The following CHL1 variants were observed in gnomAD, a reference collection of about 807,000 sequenced individuals.
The protein encoded by CHL1 is neural cell adhesion molecule L1-like protein.
A neutral mutation model predicts 141.9 loss-of-function variants in CHL1; 96 were observed. The observed-to-expected ratio is 0.68, with a 90% CI of 0.57 to 0.80. The LOEUF (loss-of-function observed/expected upper bound fraction) is 0.80. Among genes scored for constraint, CHL1 ranks in the 30% least tolerant of loss-of-function variants. CHL1 has a pLI of 0.00. For missense variants in CHL1, 1,820 were observed against 1,457.2 expected (o/e 1.25, Z -4.05); for synonymous variants, 613 against 502.2 (o/e 1.22, Z -2.95).
intron 2 of CHL1, among the ~76,000 whole-genome samples, chr3:317,144 C>T (rs1313478140): frequency 1.3e-5 from 2 of 151,902 alleles, no homozygotes; most frequent in Admixed American, 6.6e-5. Flanking sequence ...AAGCTAATTC[C>T]TGCAGGAGGT....
rs368873266 is a variant in CHL1 at position 378,002 on chromosome 3, G to A, written c.1876+60G>A. On this transcript the variant is annotated intron_variant, in intron 16 of 27. Transcript: ENST00000256509. Reference sequence around the variant, plus strand: ...TCTTCATTTCTGATTAAATCCCATCGTTCCTGGCCAATAAAGCTAATGATT... The same window carrying A: ...TCTTCATTTCTGATTAAATCCCATCATTCCTGGCCAATAAAGCTAATGATT... 6.0e-5 allele frequency: 86 copies of A among 1,431,622 alleles called. 1 individual carries two copies. The highest frequency in any genetic ancestry group is 2.9e-4 in the East Asian group (12 of 40,720). The allele number at this position is 1,431,622 out of a possible 1,614,324, so 88.7% of individuals were successfully genotyped here.
At chr3:234,009 A>G (rs7648248) in intron 1 of CHL1, among the ~76,000 whole-genome samples, 76,514 of 151,858 alleles carry the variant, frequency 0.5, 20,898 homozygotes, top group Non-Finnish European at 0.61. Flanking sequence ...TGCTCATAAT[A>G]TTATGTAGAG....
chr3:257,511 G>A (rs939516287), intron 2 of CHL1, among the ~76,000 whole-genome samples: 7 of 151,914 alleles, frequency 4.6e-5, no homozygotes, highest in Non-Finnish European at 1.0e-4. Flanking sequence ...CTGCCACCAT[G>A]CCTGGCTAAT....
intron 2 of CHL1, among the ~76,000 whole-genome samples, chr3:273,944 A>G (rs1695863195): frequency 1.3e-5 from 2 of 152,172 alleles, no homozygotes; most frequent in Admixed American, 1.3e-4. Context: ...TGATGATTTC[A>G]CATTCTTTTT....
intron 1 of CHL1, among the ~76,000 whole-genome samples, chr3:228,255 A>T (rs748300497): frequency 6.6e-6 from 1 of 152,338 alleles, no homozygotes; most frequent in Middle Eastern, 3.4e-3. Flanking sequence ...AGAATCTTTT[A>T]TCTTTTACCC....
chr3:222,236 A>T (rs1036375770), intron 1 of CHL1, among the ~76,000 whole-genome samples: 27 of 152,114 alleles, frequency 1.8e-4, no homozygotes, highest in Admixed American at 1.8e-3. Flanking sequence ...GCAGGGCTGT[A>T]CCTTTCTAGA....
intron 2 of CHL1, among the ~76,000 whole-genome samples, chr3:292,140 G>C (rs114804768): frequency 1.5e-3 from 224 of 152,320 alleles, no homozygotes; most frequent in African/African-American, 4.6e-3. Context: ...CTCACAAATT[G>C]ACTCCTTAGA....
chr3:220,310 A>G (rs1700718305), intron 1 of CHL1, among the ~76,000 whole-genome samples: 1 of 152,192 alleles, frequency 6.6e-6, no homozygotes, highest in African/African-American at 2.4e-5. Flanking sequence ...CTGATTTTAA[A>G]CATTACAGTG....
At chr3:337,954 C>T (rs1702050114) in intron 5 of CHL1, among the ~76,000 whole-genome samples, 1 of 152,054 alleles carries the variant, frequency 6.6e-6, no homozygotes, top group Admixed American at 6.5e-5. Flanking sequence ...CACTGTCTTC[C>T]ACAATGGTTG....
intron 2 of CHL1, among the ~76,000 whole-genome samples, chr3:254,441 G>A (rs1354914656): frequency 6.6e-6 from 1 of 152,142 alleles, no homozygotes. Flanking sequence ...ATAGTTCCAA[G>A]GTATGATCTG....
chr3:296,540 T>C (rs1040388510), intron 2 of CHL1, among the ~76,000 whole-genome samples: 2 of 152,158 alleles, frequency 1.3e-5, no homozygotes, highest in African/African-American at 4.8e-5. Flanking sequence ...TTTCATAGTT[T>C]CATGACCACA....
In CHL1 at chr3:300,578, A is replaced by G. The variant is rs1055185177; in HGVS notation, c.-94-19105A>G. The stretch of plus-strand genomic sequence containing the variant: ...ACTATTTATTTAAACAGCTTTATTC[A>G]TGGGGTGCCTATTCTGTGCAAGGCA... On this transcript the variant is annotated intron_variant, in intron 2 of 27. Coordinates refer to ENST00000256509, the MANE Select transcript of CHL1 (RefSeq NM_006614.4). Among the ~76,000 whole-genome samples the G allele has an allele frequency of 5.3e-5, 8 of 152,256 alleles. No individual in the cohort carries two copies. The East Asian group carries it at 1.5e-3, about 29-fold the overall frequency.
At chr3:231,182 T>C (rs986994372) in intron 1 of CHL1, among the ~76,000 whole-genome samples, 1 of 152,190 alleles carries the variant, frequency 6.6e-6, no homozygotes, top group African/African-American at 2.4e-5. Context: ...TCAAATTCCC[T>C]GGGAGGAGAA....
intron 10 of CHL1, among the ~76,000 whole-genome samples, chr3:353,787 A>G (rs1376468200): frequency 1.3e-5 from 2 of 152,230 alleles, no homozygotes; most frequent in Non-Finnish European, 2.9e-5. Flanking sequence ...ACCAAACTAC[A>G]CTTGATGGGA....
At chr3:212,780 C>T (rs756081673) in intron 1 of CHL1, among the ~76,000 whole-genome samples, 4 of 152,166 alleles carry the variant, frequency 2.6e-5, no homozygotes, top group Non-Finnish European at 5.9e-5. Context: ...AAGCTCCTGT[C>T]TTTTCACACA....
chr3:397,372 T>C (rs1322741314), intron 24 of CHL1, among the ~76,000 whole-genome samples: 1 of 152,092 alleles, frequency 6.6e-6, no homozygotes, highest in African/African-American at 2.4e-5. Flanking sequence ...TGAAAATACA[T>C]AATGAAATAT....
chr3:224,215 T>TA (rs2124998700), intron 1 of CHL1, among the ~76,000 whole-genome samples: 1 of 152,290 alleles, frequency 6.6e-6, no homozygotes, highest in African/African-American at 2.4e-5. Context: ...GGGCTATTTT[T>TA]ATCCTTGTTT....
intron 2 of CHL1, among the ~76,000 whole-genome samples, chr3:250,152 A>G (rs909860816): frequency 6.6e-6 from 1 of 151,906 alleles, no homozygotes; most frequent in Non-Finnish European, 1.5e-5. Context: ...ATTCATAGAG[A>G]TGGGGTCACA....
At chr3:262,651 A>G (rs1369943535) in intron 2 of CHL1, among the ~76,000 whole-genome samples, 1 of 152,236 alleles carries the variant, frequency 6.6e-6, no homozygotes, top group Non-Finnish European at 1.5e-5. Context: ...GGGAGTGGTA[A>G]GGCCTGGTAC....
Sources: allele counts gnomAD v4.1 joint callset (sites outside exome capture counted in the v4.1 genomes callset), GRCh38; gene constraint gnomAD v4.1.1; transcripts MANE v1.5; gene names NCBI Gene and HGNC (gene_info 2026-07-23, HGNC 2026-07-21).